GABRG3: variants seen among roughly 807,000 people sequenced by gnomAD.
GABRG3 encodes gamma-aminobutyric acid type A receptor subunit gamma3.
A neutral mutation model predicts 48.8 loss-of-function variants in GABRG3; 25 were observed. That is an observed-to-expected ratio of 0.51 (90% CI 0.37 to 0.72). The LOEUF (loss-of-function observed/expected upper bound fraction) is 0.72. Ranked by LOEUF, GABRG3 falls within the 30% of genes least tolerant of loss-of-function variation. The pLI is 0.00. For missense variants in GABRG3, 394 were observed against 577.9 expected, an observed-to-expected ratio of 0.68 and a Z score of 3.26; for synonymous variants, 227 against 217.6, an observed-to-expected ratio of 1.04 and a Z score of -0.38.
intron 3 of GABRG3, among the ~76,000 whole-genome samples, chr15:27,210,479 C>T (rs1248686749): frequency 6.6e-6 from 1 of 152,216 alleles, no homozygotes. Context: ...CGCGCACCTG[C>T]GTGCACACAC....
At chr15:27,308,010 G>A (rs950730574) in intron 3 of GABRG3, among the ~76,000 whole-genome samples, 13 of 132,704 alleles carry the variant, frequency 9.8e-5, no homozygotes, top group South Asian at 2.4e-4. Context: ...TATAATAAAC[G>A]TATATATAAA....
rs1379749004 is a variant in GABRG3 at position 27,537,063 on chromosome 15, T to A, written c.*4182T>A. 1 of 151,792 alleles carries A rather than the reference T, an allele frequency of 6.6e-6. No homozygotes were observed. The highest frequency in any genetic ancestry group is 1.5e-5 in the Non-Finnish European group (1 of 67,990). The allele number at this position is 151,792 out of a possible 1,614,324, so 9.4% of individuals were successfully genotyped here. Reference sequence around the variant, plus strand: ...CACTCCATGATCTTGCAACTCTTTTTGAGTGCTTTTCCTGAGCGATTTTAA... The same window carrying A: ...CACTCCATGATCTTGCAACTCTTTTAGAGTGCTTTTCCTGAGCGATTTTAA... On this transcript the variant is annotated 3_prime_UTR_variant, in exon 10 of 10. Transcript: ENST00000615808.
intron 3 of GABRG3, among the ~76,000 whole-genome samples, chr15:27,033,342 T>G (rs987696646): frequency 1.3e-5 from 2 of 152,166 alleles, no homozygotes; most frequent in Non-Finnish European, 2.9e-5. Context: ...TTGCTCTTAG[T>G]GAGGGTGCCA....
chr15:27,449,947 G>A (rs1269277049), intron 5 of GABRG3, among the ~76,000 whole-genome samples: 1 of 152,164 alleles, frequency 6.6e-6, no homozygotes, highest in Non-Finnish European at 1.5e-5. Flanking sequence ...TTTTCTATAG[G>A]TGTACATATG....
rs1194673697 is a variant in GABRG3 at position 27,541,378 on chromosome 15, TCTGTG to T, written c.*8498_*8502del. ...GCCGGGGTGTGGGCAGGGTCCTCTC[TCTGTG>T]AAGCCTGTGTGGGAGGTGAAACTGT... On this transcript the variant is annotated 3_prime_UTR_variant, in exon 10 of 10. Transcript: ENST00000615808. The T allele has an allele frequency of 2.0e-5, 3 of 152,558 alleles. No homozygotes were observed. The highest frequency in any genetic ancestry group is 2.9e-5 in the Non-Finnish European group (2 of 68,360). The allele number at this position is 152,558 out of a possible 1,614,324, so 9.5% of individuals were successfully genotyped here. A position where few individuals can be genotyped will look rare whatever the true frequency, so the allele number is the denominator to read the frequency against.
intron 3 of GABRG3, among the ~76,000 whole-genome samples, chr15:27,126,362 AC>A (rs1897820541): frequency 1.3e-5 from 2 of 152,172 alleles, no homozygotes; most frequent in South Asian, 4.1e-4. Context: ...GTCTTGTCTG[AC>A]TTGGTGAATC....
At chr15:27,093,035 C>T (rs1440940358) in intron 3 of GABRG3, among the ~76,000 whole-genome samples, 1 of 152,012 alleles carries the variant, frequency 6.6e-6, no homozygotes, top group East Asian at 1.9e-4. Flanking sequence ...TGAACCCTAC[C>T]CCACGGACTC....
intron 2 of GABRG3, among the ~76,000 whole-genome samples, chr15:26,987,150 C>T (rs1012061766): frequency 1.3e-5 from 2 of 152,104 alleles, no homozygotes; most frequent in Non-Finnish European, 2.9e-5. Flanking sequence ...CTCAGCTACT[C>T]GGGAGGCTGA....
intron 3 of GABRG3, among the ~76,000 whole-genome samples, chr15:27,217,339 G>A (rs1889294391): frequency 6.6e-6 from 1 of 152,164 alleles, no homozygotes; most frequent in South Asian, 2.1e-4. Flanking sequence ...TATGATCAGT[G>A]GACTGGAAGT....
At chr15:27,134,295 G>A (rs1897969545) in intron 3 of GABRG3, among the ~76,000 whole-genome samples, 1 of 152,146 alleles carries the variant, frequency 6.6e-6, no homozygotes, top group Non-Finnish European at 1.5e-5. Context: ...CAGGATTTGT[G>A]CAAGAGACAA....
rs1257437138 is a variant in GABRG3, at chr15:27,534,797, T to C, written c.*1916T>C. Reference sequence around the variant, plus strand: ...TTAAACGGATGCAAAGATATAGATATGTCTGAATTTCCAAAGATGGAGTCT... The same window carrying C: ...TTAAACGGATGCAAAGATATAGATACGTCTGAATTTCCAAAGATGGAGTCT... On this transcript the variant is annotated 3_prime_UTR_variant, in exon 10 of 10. Transcript: ENST00000615808. 1 of 152,210 alleles carries C rather than the reference T, an allele frequency of 6.6e-6. No homozygotes were observed. The highest frequency in any genetic ancestry group is 1.5e-5 in the Non-Finnish European group (1 of 68,048). 9.4% of individuals were successfully genotyped at this position (152,210 alleles called of 1,614,324 possible). A position where few individuals can be genotyped will look rare whatever the true frequency, so the allele number is the denominator to read the frequency against.
chr15:27,522,183 G>A (rs549679370), intron 7 of GABRG3, among the ~76,000 whole-genome samples: 32 of 151,998 alleles, frequency 2.1e-4, no homozygotes, highest in African/African-American at 7.2e-4. Flanking sequence ...GTGCAATAAT[G>A]GAGACCAGAA....
chr15:27,288,239 TTTCCACAGACCA>T (rs1891681676), intron 3 of GABRG3, among the ~76,000 whole-genome samples: 1 of 151,714 alleles, frequency 6.6e-6, no homozygotes, highest in Non-Finnish European at 1.5e-5. Flanking sequence ...GAAGACAGTT[TTTCCACAGACCA>T]GGGGGCAAGG....
At chr15:27,029,210 C>T (rs930021820) in intron 3 of GABRG3, among the ~76,000 whole-genome samples, 1 of 152,214 alleles carries the variant, frequency 6.6e-6, no homozygotes, top group African/African-American at 2.4e-5. Flanking sequence ...GCCTGTGTGG[C>T]TGCCTGCTGC....
chr15:27,202,075 C>A (rs892810696), intron 3 of GABRG3, among the ~76,000 whole-genome samples: 6 of 152,126 alleles, frequency 3.9e-5, no homozygotes, highest in African/African-American at 1.4e-4. Context: ...ACTTCCTTTC[C>A]CCATCTCCTC....
At chr15:27,332,601 C>CAATG (rs1418305862) in intron 5 of GABRG3, among the ~76,000 whole-genome samples, 23 of 152,074 alleles carry the variant, frequency 1.5e-4, no homozygotes, top group Non-Finnish European at 3.1e-4. Context: ...GTTAACCTTG[C>CAATG]AATGTCCTGG....
intron 9 of GABRG3, chr15:27,531,004 G>A (rs761818634): frequency 2.2e-5 from 6 of 278,708 alleles, no homozygotes; most frequent in Admixed American, 9.4e-5. Context: ...AATGCTTGGC[G>A]ATGTTTACAC....
intron 2 of GABRG3, among the ~76,000 whole-genome samples, chr15:27,017,384 C>G (rs575393575): frequency 1.3e-5 from 2 of 152,272 alleles, no homozygotes; most frequent in East Asian, 1.9e-4. Flanking sequence ...ACTGCAGTTT[C>G]TTTGGTGGTG....
intron 3 of GABRG3, among the ~76,000 whole-genome samples, chr15:27,292,427 A>AT (rs1247051925): frequency 6.6e-6 from 1 of 150,726 alleles, no homozygotes; most frequent in Non-Finnish European, 1.5e-5. Context: ...CTAAAGTATG[A>AT]TAAAAAAAAA....
Sources: gnomAD v4.1 joint callset for allele counts (sites outside exome capture counted in the v4.1 genomes callset) on GRCh38, gnomAD v4.1.1 for gene constraint, MANE v1.5 for transcripts, NCBI Gene and HGNC (gene_info 2026-07-23, HGNC 2026-07-21) for gene names.